The following MADCAM1 variants were observed in gnomAD, a reference collection of about 807,000 sequenced individuals.
MADCAM1 encodes the protein mucosal addressin cell adhesion molecule 1.
Under a neutral mutation model 26.1 loss-of-function variants are expected in MADCAM1, and 19 were observed. That is an observed-to-expected ratio of 0.73 (90% confidence interval 0.51 to 1.07). The LOEUF (loss-of-function observed/expected upper bound fraction) is 1.07. Ranked by LOEUF, MADCAM1 falls within the 50% of genes least tolerant of loss-of-function variation. The pLI, the probability that MADCAM1 is intolerant of heterozygous loss-of-function variation, is 0.00. For missense variants in MADCAM1, 514 were observed against 542.1 expected, an observed-to-expected ratio of 0.95 and a Z score of 0.51; for synonymous variants, 268 against 260.9, an observed-to-expected ratio of 1.03 and a Z score of -0.26.
chr19:502,608 G>A lies in MADCAM1; in HGVS notation c.928+679G>A, dbSNP rs142114386. 4.8e-3 allele frequency among the ~76,000 whole-genome samples: 724 copies of A among 152,010 alleles called. 8 individuals are homozygous for A. The highest frequency in any genetic ancestry group is 0.017 in the African/African-American group (688 of 41,470). Reference sequence around the variant, plus strand: ...TGAGCCACTGCACCCGGCCCACATAGGTAATGTTAGAAATGCTTGTCCCCC... The same window carrying A: ...TGAGCCACTGCACCCGGCCCACATAAGTAATGTTAGAAATGCTTGTCCCCC... On this transcript the variant is annotated intron_variant, in intron 4 of 4. Coordinates refer to ENST00000215637, the MANE Select transcript of MADCAM1 (RefSeq NM_130760.3).
In MADCAM1 at chr19:499,089, A is replaced by G. The variant is rs111663140; in HGVS notation, c.667+264A>G. ...AAAGCCCAAGTCCTCCCGGGGGCCC[A>G]CAGGAACCTGCACGACCTACCCTGT... On this transcript the variant is annotated intron_variant, in intron 3 of 4. Transcript: ENST00000215637. 1.2e-3 allele frequency: 794 copies of G among 657,604 alleles called. 3 individuals are homozygous for G. The African/African-American group carries it at 0.014, about 11-fold the overall frequency. 40.7% of individuals were successfully genotyped at this position (657,604 alleles called of 1,614,324 possible).
chr19:499,471 A>G (rs1260487359), intron 3 of MADCAM1, among the ~76,000 whole-genome samples: 1 of 150,982 alleles, frequency 6.6e-6, no homozygotes, highest in African/African-American at 2.4e-5. Context: ...CGCGTGTACA[A>G]ACAGGCACAC....
At chr19:503,447 A>G (rs3999754) in intron 4 of MADCAM1, among the ~76,000 whole-genome samples, 109,043 of 149,872 alleles carry the variant, frequency 0.73, 40,254 homozygotes, top group East Asian at 0.99. Context: ...CGGGCGTGGC[A>G]GCGGGCGCCT....
At chr19:499,030 G>A (rs1395063553) in intron 3 of MADCAM1, 2 of 817,980 alleles carry the variant, frequency 2.4e-6, no homozygotes, top group Non-Finnish European at 4.0e-6. Context: ...CCCCTCCCCT[G>A]CCCACAGCGC....
At chr19:500,166 C>T in intron 3 of MADCAM1, 1 of 456,340 alleles carries the variant, frequency 2.2e-6, no homozygotes, top group South Asian at 1.5e-5. Context: ...CCCAACTCTC[C>T]TCGTCCACAG....
intron 2 of MADCAM1, 143 bp from the exon 3 acceptor site, chr19:498,353 C>A: frequency 1.0e-6 from 1 of 975,176 alleles, no homozygotes; most frequent in Non-Finnish European, 1.4e-6. Context: ...ACGGGGCCTG[C>A]GCACAGGCCG....
intron 4 of MADCAM1, 101 bp from the exon 5 acceptor site, chr19:504,644 G>A (rs911742859): frequency 3.9e-6 from 3 of 777,702 alleles, no homozygotes; most frequent in Non-Finnish European, 6.3e-6. Context: ...AGGGAACGTG[G>A]TAACTTTGGA....
intron 3 of MADCAM1, 27 bp from the exon 4 acceptor site, chr19:501,642 A>G (rs751792854): frequency 5.8e-6 from 9 of 1,548,276 alleles, no homozygotes; most frequent in Middle Eastern, 2.4e-4. Flanking sequence ...AGCAGAGAGG[A>G]AAAAAAAACC....
In MADCAM1 at chr19:500,194, G is replaced by A. The variant is rs111904197; in HGVS notation, c.667+1369G>A. 751 of 456,228 alleles carry A rather than the reference G, an allele frequency of 1.6e-3. 2 individuals carry two copies. Among genetic ancestry groups the A allele is most frequent in the African/African-American group, 0.013 (665 of 50,158 alleles). 28.3% of individuals were successfully genotyped at this position (456,228 alleles called of 1,614,324 possible). ...GTCCACAGCCCATCATAATAAACGC[G>A]GGACCCACTCGCTCTCAGGGCAGCC... On this transcript the variant is annotated intron_variant, in intron 3 of 4. Transcript: ENST00000215637.
chr19:499,240 G>A (rs909085568), intron 3 of MADCAM1: 5 of 471,528 alleles, frequency 1.1e-5, no homozygotes, highest in African/African-American at 9.9e-5. Flanking sequence ...CCTTTGCACG[G>A]CTGTGCCCTC....
chr19:498,847 G>A, intron 3 of MADCAM1, 22 bp downstream of exon 3: 3 of 1,259,528 alleles, frequency 2.4e-6, no homozygotes, highest in Non-Finnish European at 3.1e-6. Context: ...GGGTGCCCTG[G>A]AGACCCACCC....
At chr19:500,675 C>G (rs1460334338) in intron 3 of MADCAM1, among the ~76,000 whole-genome samples, 1 of 152,104 alleles carries the variant, frequency 6.6e-6, no homozygotes. Flanking sequence ...TCGAGACTAG[C>G]CTGACCAACA....
chr19:501,400 G>C, intron 3 of MADCAM1: 1 of 322,140 alleles, frequency 3.1e-6, no homozygotes, highest in East Asian at 5.0e-5. Flanking sequence ...CAGGGGAATC[G>C]CTTGAACCTG....
At chr19:499,748 G>A in intron 3 of MADCAM1, 1 of 452,914 alleles carries the variant, frequency 2.2e-6, no homozygotes, top group East Asian at 7.0e-5. Flanking sequence ...CATAGCAGGT[G>A]CTCAATAAAC....
At chr19:502,084 A>G (rs986644962) in intron 4 of MADCAM1, among the ~76,000 whole-genome samples, 155 bp downstream of exon 4, 22 of 150,470 alleles carry the variant, frequency 1.5e-4, no homozygotes, top group Admixed American at 4.6e-4. Context: ...CGGTTTCCCC[A>G]TCTGCCCAGC....
chr19:503,494 T>C (rs1217962043), intron 4 of MADCAM1, among the ~76,000 whole-genome samples: 1 of 112,488 alleles, frequency 8.9e-6, no homozygotes, highest in Non-Finnish European at 1.8e-5. Context: ...GGCAGGAGAA[T>C]GGCGTGAACC....
chr19:499,200 C>T, intron 3 of MADCAM1: 1 of 496,150 alleles, frequency 2.0e-6, no homozygotes. Context: ...GCTGTTCCTC[C>T]AACACACCAG....
intron 4 of MADCAM1, among the ~76,000 whole-genome samples, chr19:503,428 A>G (rs532682167): frequency 1.3e-5 from 2 of 151,364 alleles, no homozygotes; most frequent in South Asian, 4.2e-4. Context: ...AAAAATACAA[A>G]AAATTAGCCG....
chr19:499,450 A>G lies in MADCAM1; in HGVS notation c.667+625A>G, dbSNP rs111737006. ...GACACACACACGCGTGCACACAGGCACACACGCACACGCGTGTACAAACAG... is the reference window on the plus strand; with the variant it reads ...GACACACACACGCGTGCACACAGGCGCACACGCACACGCGTGTACAAACAG... On this transcript the variant is annotated intron_variant, in intron 3 of 4. Transcript: ENST00000215637. 2,349 of 444,574 alleles carry G rather than the reference A, an allele frequency of 5.3e-3. 41 individuals carry two copies. The highest frequency in any genetic ancestry group is 0.042 in the African/African-American group (2,111 of 50,016). The allele number at this position is 444,574 out of a possible 1,614,324, so 27.5% of individuals were successfully genotyped here.
Sources: gnomAD v4.1 joint callset for allele counts (sites outside exome capture counted in the v4.1 genomes callset) on GRCh38, gnomAD v4.1.1 for gene constraint, MANE v1.5 for transcripts, NCBI Gene and HGNC (gene_info 2026-07-23, HGNC 2026-07-21) for gene names.